The following CSMD2 variants were observed in gnomAD, a reference collection of about 807,000 sequenced individuals.
CSMD2 encodes the protein CUB and sushi domain-containing protein 2.
A neutral mutation model predicts 398.5 loss-of-function variants in CSMD2; 130 were observed. The ratio of observed to expected loss-of-function variants is 0.33; its 90% confidence interval spans 0.28 to 0.38. The LOEUF (loss-of-function observed/expected upper bound fraction) is 0.38, where lower values mean the gene tolerates loss of function less well. Ranked by LOEUF, CSMD2 falls within the 10% of genes least tolerant of loss-of-function variation. CSMD2 has a pLI of 1.00. For synonymous variants in CSMD2, 1,828 were observed against 1,908.5 expected (o/e 0.96, Z 1.10); for missense variants, 3,829 against 4,764.9 (o/e 0.80, Z 5.78).
At chr1:33,893,636 A>G (rs1444681712) in intron 5 of CSMD2, among the ~76,000 whole-genome samples, 1 of 152,236 alleles carries the variant, frequency 6.6e-6, no homozygotes, top group Non-Finnish European at 1.5e-5. Context: ...TTCATCTCCC[A>G]GCCTACAACT....
intron 13 of CSMD2, among the ~76,000 whole-genome samples, chr1:33,750,331 A>C (rs1648049856): frequency 6.6e-6 from 1 of 152,190 alleles, no homozygotes; most frequent in Non-Finnish European, 1.5e-5. Context: ...GCTAGTTGGC[A>C]TTCTGAGAGC....
rs895222820 is a variant in CSMD2 at position 33,745,110 on chromosome 1, A to C, written c.1847-1504T>G. On this transcript the variant is annotated intron_variant, in intron 13 of 70. Coordinates refer to ENST00000373381, the MANE Select transcript of CSMD2 (RefSeq NM_001281956.2). ...CTTTAATGTGATACAGTTTGACTGC[A>C]ATCATTAAAGTGATAAATATGACCC... Among the ~76,000 whole-genome samples the C allele has an allele frequency of 2.1e-4, 32 of 152,362 alleles. No individual in the cohort carries two copies. In the Middle Eastern group the frequency reaches 0.01, roughly 49 times the overall value.
intron 12 of CSMD2, among the ~76,000 whole-genome samples, chr1:33,784,832 A>T (rs1225639626): frequency 6.6e-6 from 1 of 151,888 alleles, no homozygotes; most frequent in Non-Finnish European, 1.5e-5. Flanking sequence ...ATCTCATTTC[A>T]CTCTCCTAAC....
At chr1:34,071,128 C>T (rs898140483) in intron 2 of CSMD2, among the ~76,000 whole-genome samples, 4 of 152,186 alleles carry the variant, frequency 2.6e-5, no homozygotes, top group Admixed American at 6.5e-5. Flanking sequence ...AGTGATGATG[C>T]GAGAGACTGA....
intron 3 of CSMD2, among the ~76,000 whole-genome samples, chr1:34,023,117 T>G (rs1444990256): frequency 6.6e-6 from 1 of 152,176 alleles, no homozygotes; most frequent in East Asian, 1.9e-4. Flanking sequence ...ATTACAGGTG[T>G]AAGCCACCAC....
At chr1:33,693,125 CT>C in intron 24 of CSMD2, 69 bp from the exon 25 acceptor site, 1 of 1,503,270 alleles carries the variant, frequency 6.7e-7, no homozygotes, top group Non-Finnish European at 8.8e-7. Flanking sequence ...TCAGTGGCTC[CT>C]TTTGCCTGTT....
chr1:33,992,209 T>A (rs1362188130), intron 3 of CSMD2, among the ~76,000 whole-genome samples: 1 of 152,146 alleles, frequency 6.6e-6, no homozygotes, highest in Non-Finnish European at 1.5e-5. Flanking sequence ...CACTCCTCAC[T>A]TTCCATCTGA....
In CSMD2 at chr1:33,918,191, C is replaced by G. The variant is rs1480586271; in HGVS notation, c.823G>C (p.Glu275Gln). ...ACCAGGGCGATGGTGTCCCCCAGCT[C>G]AGCCAGGATGGTCCATGTGCAGTCG... ...NADCTWTILA[E>Q]LGDTIALVFI... Residue 275 changes from glutamate to glutamine, a missense_variant, in exon 5 of 71, where the codon GAG (glutamate) becomes CAG (glutamine). Around this residue, in one of 5 missense-constraint regions of CSMD2, gnomAD observed 2,001 missense variants for 2,567.1 expected, o/e 0.78. Coordinates refer to ENST00000373381, the MANE Select transcript of CSMD2 (RefSeq NM_001281956.2). 5.0e-6 allele frequency: 8 copies of G among 1,614,180 alleles called. No individual in the cohort carries two copies. The highest frequency in any genetic ancestry group is 6.8e-6 in the Non-Finnish European group (8 of 1,180,036).
intron 3 of CSMD2, among the ~76,000 whole-genome samples, chr1:33,956,159 C>T (rs1390131065): frequency 1.3e-5 from 2 of 150,686 alleles, no homozygotes; most frequent in Non-Finnish European, 3.0e-5. Context: ...AGTTTAGTGG[C>T]ATTAAGAATA....
intron 44 of CSMD2, chr1:33,592,534 C>T: frequency 1.4e-6 from 1 of 717,168 alleles, no homozygotes; most frequent in South Asian, 1.5e-5. Flanking sequence ...ACAGGCACCA[C>T]AAAGTGATTG....
chr1:33,761,224 G>A (rs140534822), intron 13 of CSMD2, among the ~76,000 whole-genome samples: 2,867 of 152,160 alleles, frequency 0.019, 37 homozygotes, highest in South Asian at 0.03. Flanking sequence ...TGACATGTTG[G>A]GGAACAGATG....
chr1:33,778,671 T>G (rs1360833544), intron 12 of CSMD2, among the ~76,000 whole-genome samples: 1 of 152,178 alleles, frequency 6.6e-6, no homozygotes, highest in Non-Finnish European at 1.5e-5. Flanking sequence ...ACTAAAGGTA[T>G]AGCATTGCCT....
chr1:33,959,569 C>T (rs1471145977), intron 3 of CSMD2, among the ~76,000 whole-genome samples: 2 of 151,880 alleles, frequency 1.3e-5, no homozygotes, highest in East Asian at 1.9e-4. Flanking sequence ...CCCGGAAAAT[C>T]CTCTGTCAAA....
chr1:33,815,536 A>G (rs1657361940), intron 9 of CSMD2: 2 of 152,204 alleles, frequency 1.3e-5, no homozygotes, highest in South Asian at 4.1e-4. Context: ...GTTCCATCCA[A>G]TCTATTGACT....
chr1:33,782,715 T>C (rs939824798), intron 12 of CSMD2, among the ~76,000 whole-genome samples: 1 of 152,240 alleles, frequency 6.6e-6, no homozygotes, highest in African/African-American at 2.4e-5. Flanking sequence ...TTTCTGAGCA[T>C]GTGTCCTGTG....
chr1:34,149,677 C>T (rs775067834), intron 1 of CSMD2, among the ~76,000 whole-genome samples: 1 of 152,194 alleles, frequency 6.6e-6, no homozygotes. Context: ...CTAATGCGTG[C>T]CTTTGGGGCT....
intron 44 of CSMD2, 75 bp downstream of exon 44, chr1:33,600,790 G>A (rs1055052627): frequency 1.3e-6 from 2 of 1,488,650 alleles, no homozygotes; most frequent in Non-Finnish European, 1.9e-6. Context: ...ATCCGCAAAT[G>A]GTGGAGACGG....
chr1:34,151,970 G>A (rs968876303), intron 1 of CSMD2, among the ~76,000 whole-genome samples: 1 of 152,136 alleles, frequency 6.6e-6, no homozygotes, highest in Non-Finnish European at 1.5e-5. Flanking sequence ...AGCCTCTCGA[G>A]TAGCTAGGAC....
chr1:33,610,228 T>A (rs866751575), intron 41 of CSMD2, among the ~76,000 whole-genome samples: 1 of 94,566 alleles, frequency 1.1e-5, no homozygotes, highest in Non-Finnish European at 2.2e-5. Context: ...GTGTTTAGAT[T>A]TTTTTTTTTT....
Sources: allele counts gnomAD v4.1 joint callset (sites outside exome capture counted in the v4.1 genomes callset), GRCh38; gene constraint gnomAD v4.1.1; regional missense constraint gnomAD v4.1.1; transcripts MANE v1.5; gene names NCBI Gene and HGNC (gene_info 2026-07-23, HGNC 2026-07-21).